The following CLEC2D variants were observed in gnomAD, a reference collection of about 807,000 sequenced individuals.
CLEC2D encodes the protein C-type lectin domain family 2 member D.
In CLEC2D, 16 loss-of-function variants were observed where a neutral mutation model predicts 20.0. That is an observed-to-expected ratio of 0.80 (90% confidence interval 0.54 to 1.22). The LOEUF (loss-of-function observed/expected upper bound fraction) is 1.22, where lower values mean the gene tolerates loss of function less well. Ranked by LOEUF, CLEC2D falls within the 50% of genes most tolerant of loss-of-function variation. The pLI, the probability that CLEC2D is intolerant of heterozygous loss-of-function variation, is 0.00. For synonymous variants in CLEC2D, 77 were observed against 71.1 expected, an observed-to-expected ratio of 1.08 and a Z score of -0.42; for missense variants, 207 against 221.5, an observed-to-expected ratio of 0.93 and a Z score of 0.42.
rs191441532 is a variant in CLEC2D, at chr12:9,690,923, A to C, written c.358-1905A>C. Among the ~76,000 whole-genome samples the C allele has an allele frequency of 8.1e-3, 1,236 of 152,190 alleles. 10 individuals carry two copies. Among genetic ancestry groups the C allele is most frequent in the Non-Finnish European group, 0.015 (990 of 67,910 alleles). Reference sequence around the variant, plus strand: ...TTTTAGTAATCACATTAAATAGAAAAGGATGAAGCCATCCTATTAAAGGGC... The same window carrying C: ...TTTTAGTAATCACATTAAATAGAAACGGATGAAGCCATCCTATTAAAGGGC... On this transcript the variant is annotated intron_variant, in intron 3 of 4. Coordinates refer to ENST00000290855, the MANE Select transcript of CLEC2D (RefSeq NM_013269.6).
chr12:9,677,166 C>T lies in CLEC2D; in HGVS notation c.62-3757C>T, dbSNP rs373909211. ...TTCTGTTTAATTTGTACCTGATTTG[C>T]TCTTCTATTTCTAGTTTCCTAAGGT... On this transcript the variant is annotated intron_variant, in intron 1 of 4. Transcript: ENST00000290855. Among the ~76,000 whole-genome samples the T allele has an allele frequency of 5.3e-5, 8 of 151,530 alleles. No individual in the cohort carries two copies. In the East Asian group the frequency reaches 1.4e-3, roughly 26 times the overall value.
At chr12:9,687,867 A>C (rs1565469055) in intron 2 of CLEC2D, 35 bp from the exon 3 acceptor site, 1 of 1,335,636 alleles carries the variant, frequency 7.5e-7, no homozygotes, top group Non-Finnish European at 1.0e-6. Flanking sequence ...AAAAGTAAGA[A>C]ATTTTTATTT....
intron 1 of CLEC2D, among the ~76,000 whole-genome samples, chr12:9,679,190 T>C (rs566674737): frequency 4.6e-5 from 7 of 152,274 alleles, no homozygotes; most frequent in African/African-American, 1.4e-4. Flanking sequence ...ACTATTGTTA[T>C]TTTGAACAAA....
chr12:9,695,110 A>G lies in CLEC2D; in HGVS notation c.*236A>G. On this transcript the variant is annotated 3_prime_UTR_variant, in exon 5 of 5. Coordinates refer to ENST00000290855, the MANE Select transcript of CLEC2D (RefSeq NM_013269.6). ...CATACCCGAGACTGAGTAATTTATA[A>G]ATAAAAGAGATTTAATTGACTCATA... 1 of 573,924 alleles carries G rather than the reference A, an allele frequency of 1.7e-6. No homozygotes were observed. Among genetic ancestry groups the G allele is most frequent in the African/African-American group, 1.9e-5 (1 of 53,278 alleles). The allele number at this position is 573,924 out of a possible 1,614,324, so 35.6% of individuals were successfully genotyped here.
chr12:9,693,985 T>C, intron 4 of CLEC2D: 1 of 301,766 alleles, frequency 3.3e-6, no homozygotes, highest in South Asian at 2.7e-5. Flanking sequence ...TTTTTTTTTT[T>C]TTTTTTTTTT....
At chr12:9,675,602 A>T (rs1304977712) in intron 1 of CLEC2D, among the ~76,000 whole-genome samples, 1 of 152,180 alleles carries the variant, frequency 6.6e-6, no homozygotes, top group Non-Finnish European at 1.5e-5. Flanking sequence ...ATCTCCTTCA[A>T]TAATGTGTTT....
At chr12:9,679,484 TTAAA>T (rs1177066916) in intron 1 of CLEC2D, among the ~76,000 whole-genome samples, 1 of 152,186 alleles carries the variant, frequency 6.6e-6, no homozygotes, top group African/African-American at 2.4e-5. Flanking sequence ...TCTTAATACT[TTAAA>T]TATTTGTTTC....
chr12:9,694,672 A>T, intron 4 of CLEC2D, 88 bp from the exon 5 acceptor site: 1 of 759,848 alleles, frequency 1.3e-6, no homozygotes, highest in South Asian at 1.5e-5. Flanking sequence ...GGCTGAATTA[A>T]TGTTAGTTTT....
intron 4 of CLEC2D, chr12:9,693,133 T>A: frequency 6.4e-7 from 1 of 1,570,724 alleles, no homozygotes; most frequent in Admixed American, 1.7e-5. Flanking sequence ...AGACTGACTG[T>A]GAACTTGGCT....
At chr12:9,692,788 A>G (rs11052468) in intron 3 of CLEC2D, 40 bp from the exon 4 acceptor site, 3 of 1,361,568 alleles carry the variant, frequency 2.2e-6, no homozygotes, top group Non-Finnish European at 3.1e-6. Flanking sequence ...AGGATGGGTT[A>G]TGTTAGATTA....
At chr12:9,679,079 T>C (rs1408608677) in intron 1 of CLEC2D, among the ~76,000 whole-genome samples, 1 of 152,206 alleles carries the variant, frequency 6.6e-6, no homozygotes, top group Non-Finnish European at 1.5e-5. Flanking sequence ...TTATCCCATG[T>C]GTCATTTCTG....
chr12:9,683,490 G>A (rs1395929301), intron 2 of CLEC2D, among the ~76,000 whole-genome samples: 3 of 151,938 alleles, frequency 2.0e-5, no homozygotes, highest in Non-Finnish European at 4.4e-5. Flanking sequence ...TTGTTCTCAG[G>A]TTTTTATGGT....
At chr12:9,669,844 G>A (rs1353394343) in intron 1 of CLEC2D, 49 bp downstream of exon 1, 4 of 1,432,062 alleles carry the variant, frequency 2.8e-6, no homozygotes, top group Non-Finnish European at 3.9e-6. Flanking sequence ...GAATGGGAAG[G>A]TAGTGGTAGT....
At chr12:9,693,784 C>G (rs1306045142) in intron 4 of CLEC2D, 1 of 441,806 alleles carries the variant, frequency 2.3e-6, no homozygotes, top group South Asian at 1.6e-5. Context: ...TTTTCTCTAC[C>G]TAATTCTTAA....
chr12:9,686,491 A>C (rs1278623772), intron 2 of CLEC2D, among the ~76,000 whole-genome samples: 3 of 152,090 alleles, frequency 2.0e-5, no homozygotes, highest in Non-Finnish European at 4.4e-5. Flanking sequence ...CGTTTGCCTC[A>C]TGTTATGATT....
In CLEC2D at chr12:9,687,061, C is replaced by CAACCAT. The variant is rs1320620344; in HGVS notation, c.173-841_173-840insAACCAT. On this transcript the variant is annotated intron_variant, in intron 2 of 4. Transcript: ENST00000290855. ...TTGTGAAAGACAACGTTTTCATGGA[C>CAACCAT]TGGGGTCAAGGAATGGTTTGGGGAT... Among the ~76,000 whole-genome samples the CAACCAT allele has an allele frequency of 6.0e-4, 92 of 152,272 alleles. 1 individual carries two copies. The highest frequency in any genetic ancestry group is 2.0e-3 in the African/African-American group (84 of 41,550).
intron 1 of CLEC2D, among the ~76,000 whole-genome samples, chr12:9,672,089 G>A (rs899587851): frequency 6.6e-6 from 1 of 152,132 alleles, no homozygotes; most frequent in African/African-American, 2.4e-5. Flanking sequence ...CATAGTTCTG[G>A]AGGCTGGAAA....
rs149240595 is a variant in CLEC2D, at chr12:9,695,461, C to G, written c.*587C>G. 3.0e-3 allele frequency: 3,970 copies of G among 1,315,912 alleles called. 11 individuals carry two copies. Among genetic ancestry groups the G allele is most frequent in the Non-Finnish European group, 3.9e-3 (3,651 of 925,182 alleles). 81.5% of individuals were successfully genotyped at this position (1,315,912 alleles called of 1,614,324 possible). A position where few individuals can be genotyped will look rare whatever the true frequency, so the allele number is the denominator to read the frequency against. Reference sequence around the variant, plus strand: ...TTTTCAGTTGTGAACTAAAGGCCGACAAAGATGATCACTTTAAGGTGGATA... The same window carrying G: ...TTTTCAGTTGTGAACTAAAGGCCGAGAAAGATGATCACTTTAAGGTGGATA... On this transcript the variant is annotated 3_prime_UTR_variant, in exon 5 of 5. Coordinates refer to ENST00000290855, the MANE Select transcript of CLEC2D (RefSeq NM_013269.6).
At chr12:9,671,914 T>A (rs1865432719) in intron 1 of CLEC2D, among the ~76,000 whole-genome samples, 1 of 152,226 alleles carries the variant, frequency 6.6e-6, no homozygotes, top group South Asian at 2.1e-4. Flanking sequence ...AAGACCATAT[T>A]TTTAGAGCCA....
Sources: gnomAD v4.1 joint callset for allele counts (sites outside exome capture counted in the v4.1 genomes callset) on GRCh38, gnomAD v4.1.1 for gene constraint, MANE v1.5 for transcripts, NCBI Gene and HGNC (gene_info 2026-07-23, HGNC 2026-07-21) for gene names.